Variants in CARMIL1 observed in about 807,000 individuals in gnomAD.
CARMIL1 encodes the protein F-actin-uncapping protein LRRC16A.
CARMIL1 carries 90 observed loss-of-function variants against 177.1 expected under a neutral mutation model. That is an observed-to-expected ratio of 0.51 (90% confidence interval 0.43 to 0.61). The LOEUF (loss-of-function observed/expected upper bound fraction) is 0.61. Ranked by LOEUF, CARMIL1 falls within the 20% of genes least tolerant of loss-of-function variation. The pLI, the probability that CARMIL1 is intolerant of heterozygous loss-of-function variation, is 0.00. For synonymous variants in CARMIL1, 577 were observed against 606.2 expected, an observed-to-expected ratio of 0.95 and a Z score of 0.71; for missense variants, 1,380 against 1,667.0, an observed-to-expected ratio of 0.83 and a Z score of 3.00.
intron 2 of CARMIL1, among the ~76,000 whole-genome samples, chr6:25,344,201 C>T (rs1483623867): frequency 6.6e-6 from 1 of 152,158 alleles, no homozygotes; most frequent in Non-Finnish European, 1.5e-5. Flanking sequence ...ACCACTTCCT[C>T]TTCTCTCGCA....
intron 35 of CARMIL1, 116 bp from the exon 36 acceptor site, chr6:25,609,934 T>A (rs1291412700): frequency 4.0e-6 from 5 of 1,254,234 alleles, no homozygotes; most frequent in Non-Finnish European, 5.3e-6. Flanking sequence ...GCCAGAAAAA[T>A]TCTATGATGC....
In CARMIL1 at chr6:25,577,417, C is replaced by T. The variant is rs989329606; in HGVS notation, c.2743-3507C>T. On this transcript the variant is annotated intron_variant, in intron 29 of 36. Transcript: ENST00000329474. The surrounding 1 kb of genome is among the most constrained non-coding windows in gnomAD (Gnocchi z 4.5). The stretch of plus-strand genomic sequence containing the variant: ...TGATTTGCTTCTTATATTAGGAGAA[C>T]TTTCCTAATCTTCTTCTCAGCTGGT... Among the ~76,000 whole-genome samples the T allele has an allele frequency of 6.6e-6, 1 of 151,764 alleles. No individual in the cohort carries two copies. Among genetic ancestry groups the T allele is most frequent in the African/African-American group, 2.4e-5 (1 of 41,302 alleles).
chr6:25,446,690 T>C (rs891387480), intron 5 of CARMIL1, among the ~76,000 whole-genome samples: 41 of 152,236 alleles, frequency 2.7e-4, no homozygotes, highest in African/African-American at 9.6e-4. Flanking sequence ...TTTTGCTAAT[T>C]TTTTTGTTGC....
intron 29 of CARMIL1, among the ~76,000 whole-genome samples, chr6:25,571,536 A>C (rs1336863441): frequency 6.6e-6 from 1 of 152,226 alleles, no homozygotes. Context: ...GTGGACTAAA[A>C]GTATCACCTC....
intron 5 of CARMIL1, among the ~76,000 whole-genome samples, chr6:25,443,961 G>A (rs919793356): frequency 7.2e-5 from 11 of 151,958 alleles, no homozygotes; most frequent in Admixed American, 1.3e-4. Context: ...GCACCACCAC[G>A]CCCGAATAAT....
intron 34 of CARMIL1, 37 bp downstream of exon 34, chr6:25,604,930 G>C: frequency 6.6e-7 from 1 of 1,505,824 alleles, no homozygotes; most frequent in Non-Finnish European, 9.0e-7. Flanking sequence ...CTTAGGAAAA[G>C]CGCTTACCTT....
At position 25,500,180 on chromosome 6, in the gene CARMIL1, G is replaced by T. The variant is rs756267128; in HGVS notation, c.1340G>T (p.Gly447Val). The T allele has an allele frequency of 6.2e-6, 10 of 1,613,864 alleles. No homozygotes were observed. ...SPEPLKALLL[G>V]LACNHNLKGV... The stretch of plus-strand genomic sequence containing the variant: ...CCTCCCCTCAGAGCACTGTTATTGG[G>T]CCTGGCTTGTAATCATAACTTGAAA... Residue 447 changes from glycine (G) to valine (V), a missense_variant, in exon 17 of 37, where the codon GGC (glycine) becomes GTC (valine). Gly to Val is a moderately radical substitution (Grantham distance 109). Transcript: ENST00000329474.
intron 24 of CARMIL1, among the ~76,000 whole-genome samples, chr6:25,533,120 T>TCATGTGCACATTTTA (rs1163302059): frequency 6.6e-6 from 1 of 152,212 alleles, no homozygotes; most frequent in African/African-American, 2.4e-5. Context: ...CTTTCCTCTT[T>TCATGTGCACATTTTA]CATGTGCACA....
chr6:25,536,244 T>G (rs1391786253), intron 24 of CARMIL1, among the ~76,000 whole-genome samples: 1 of 152,146 alleles, frequency 6.6e-6, no homozygotes, highest in Non-Finnish European at 1.5e-5. Flanking sequence ...CACAGATCAA[T>G]ACAATAGTTA....
At chr6:25,365,688 G>A (rs1430702807) in intron 2 of CARMIL1, among the ~76,000 whole-genome samples, 1 of 152,106 alleles carries the variant, frequency 6.6e-6, no homozygotes, top group African/African-American at 2.4e-5. Context: ...GAGTAGCTGG[G>A]ACTATAGGCA....
Position 25,284,896 on chromosome 6 carries a change from A to T in CARMIL1, c.125A>T (p.Glu42Val). ...VKLEVKGDKVENKVLVLTSCR... is the reference protein window; with the variant it reads ...VKLEVKGDKVVNKVLVLTSCR... ...TTGGAAGTTAAGGGAGACAAAGTTG[A>T]AAACAAAGTGCTGGTAAGTATTGCT... The change falls in exon 2 of 37, where the codon GAA becomes GTA. Residue 42 changes from glutamate (E) to valine (V), a missense_variant. By Grantham distance (121) the Glu-to-Val change is moderately radical. Transcript: ENST00000329474. 6.4e-7 allele frequency: 1 copy of T among 1,558,352 alleles called. No individual in the cohort carries two copies. Among genetic ancestry groups the T allele is most frequent in the Non-Finnish European group, 8.7e-7 (1 of 1,146,590 alleles).
Position 25,452,447 on chromosome 6 carries a change from G to A in CARMIL1, c.614+1736G>A, listed in dbSNP as rs765833933. On this transcript the variant is annotated intron_variant, in intron 8 of 36. Transcript: ENST00000329474. ...CAGTCCTCCAGTGTTTGGTCTCAGC[G>A]TTTTTGGTCCCTTTACAATCTTAAA... 172 of 489,818 alleles carry A rather than the reference G, an allele frequency of 3.5e-4. 1 individual carries two copies. Among genetic ancestry groups the A allele is most frequent in the Non-Finnish European group, 5.5e-4 (153 of 277,794 alleles). The allele number at this position is 489,818 out of a possible 1,614,324, so 30.3% of individuals were successfully genotyped here. A position where few individuals can be genotyped will look rare whatever the true frequency, so the allele number is the denominator to read the frequency against.
intron 1 of CARMIL1, among the ~76,000 whole-genome samples, chr6:25,281,116 GCACGCGCGTGTGCGCGCGCGCACA>G (rs1278737393): frequency 1.5e-5 from 2 of 130,466 alleles, no homozygotes; most frequent in Non-Finnish European, 3.3e-5. Context: ...ATTCACAGAC[GCACGCGCGTGTGCGCGCGCGCACA>G]CACACACACA....
chr6:25,446,055 A>G (rs62392388), intron 5 of CARMIL1, among the ~76,000 whole-genome samples: 15,068 of 152,212 alleles, frequency 0.099, 1,153 homozygotes, highest in East Asian at 0.33. Context: ...TAGATCTGCT[A>G]TCACCCAGGC....
intron 24 of CARMIL1, among the ~76,000 whole-genome samples, chr6:25,536,059 C>T (rs1006050023): frequency 4.6e-5 from 7 of 152,146 alleles, no homozygotes; most frequent in African/African-American, 1.7e-4. Flanking sequence ...TTTGTTCTCT[C>T]GTGGTGATTA....
intron 33 of CARMIL1, 122 bp from the exon 34 acceptor site, chr6:25,604,690 C>T: frequency 1.4e-6 from 1 of 732,442 alleles, no homozygotes; most frequent in Non-Finnish European, 2.3e-6. Flanking sequence ...CAGGCACAGT[C>T]ACCATAACAG....
intron 2 of CARMIL1, among the ~76,000 whole-genome samples, chr6:25,340,674 G>A (rs1359446478): frequency 6.6e-6 from 1 of 150,774 alleles, no homozygotes; most frequent in Non-Finnish European, 1.5e-5. Context: ...AGCAGACCAT[G>A]AACTACATGC....
At chr6:25,281,195 A>G (rs2744270) in intron 1 of CARMIL1, among the ~76,000 whole-genome samples, 12,453 of 150,442 alleles carry the variant, frequency 0.083, 908 homozygotes, top group African/African-American at 0.2. Context: ...ATCCCAGCAG[A>G]TCCTCTTCTC....
At chr6:25,498,671 ACTCT>A (rs1295430263) in intron 16 of CARMIL1, among the ~76,000 whole-genome samples, 1 of 152,048 alleles carries the variant, frequency 6.6e-6, no homozygotes, top group Non-Finnish European at 1.5e-5. Flanking sequence ...TAATATCCTA[ACTCT>A]CTCATTTTAC....
Sources: gnomAD v4.1 joint callset for allele counts (sites outside exome capture counted in the v4.1 genomes callset) on GRCh38, gnomAD v4.1.1 for gene constraint, Gnocchi (gnomAD v3.1) non-coding constraint, MANE v1.5 for transcripts, NCBI Gene and HGNC (gene_info 2026-07-23, HGNC 2026-07-21) for gene names.